Variants in SFMBT1 observed in about 807,000 individuals in gnomAD.
The protein encoded by SFMBT1 is scm-like with four MBT domains protein 1.
SFMBT1 carries 32 observed loss-of-function variants against 108.7 expected under a neutral mutation model. That is an observed-to-expected ratio of 0.29 (90% CI 0.22 to 0.40). The LOEUF (loss-of-function observed/expected upper bound fraction) is 0.40. Ranked by LOEUF, SFMBT1 falls within the 10% of genes least tolerant of loss-of-function variation. The pLI is 1.00. For missense variants in SFMBT1, 816 were observed against 1,059.6 expected (o/e 0.77, Z 3.19); for synonymous variants, 348 against 369.5 (o/e 0.94, Z 0.67).
chr3:52,916,327 C>T, intron 13 of SFMBT1, 113 bp from the exon 14 acceptor site: 11 of 708,006 alleles, frequency 1.6e-5, no homozygotes, highest in South Asian at 5.3e-5. Context: ...TTCGCAAAAT[C>T]TGTAACAGAA....
intron 1 of SFMBT1, among the ~76,000 whole-genome samples, chr3:53,009,849 T>C (rs967422582): frequency 1.3e-5 from 2 of 152,042 alleles, no homozygotes; most frequent in African/African-American, 4.8e-5. Context: ...GAAGAGAAAA[T>C]ATATTTACTA....
Position 53,025,986 on chromosome 3 carries a change from C to T in SFMBT1, c.-131+19830G>A, listed in dbSNP as rs546014979. On this transcript the variant is annotated intron_variant, in intron 1 of 20. Coordinates refer to ENST00000394752, the MANE Select transcript of SFMBT1 (RefSeq NM_016329.4). ...CAGTGTTGGGCTGTGTTTTGAAGAGCTAATATTGCGTGCAAATGGATGGGT... is the reference window on the plus strand; with the variant it reads ...CAGTGTTGGGCTGTGTTTTGAAGAGTTAATATTGCGTGCAAATGGATGGGT... Among the ~76,000 whole-genome samples the T allele has an allele frequency of 1.5e-3, 228 of 152,314 alleles. 4 individuals carry two copies. The highest frequency in any genetic ancestry group is 5.1e-3 in the African/African-American group (211 of 41,556).
chr3:52,910,741 G>A (rs780399609), intron 17 of SFMBT1, among the ~76,000 whole-genome samples: 3 of 151,920 alleles, frequency 2.0e-5, no homozygotes, highest in Admixed American at 1.3e-4. Context: ...CGCCTGCCTC[G>A]GCCTCCCAAA....
chr3:52,948,224 T>C (rs1176689101), intron 3 of SFMBT1, among the ~76,000 whole-genome samples: 1 of 148,348 alleles, frequency 6.7e-6, no homozygotes, highest in Non-Finnish European at 1.5e-5. Flanking sequence ...ACCAGCACTT[T>C]TCCCGACCAC....
intron 1 of SFMBT1, among the ~76,000 whole-genome samples, chr3:53,039,852 G>A (rs1220424062): frequency 6.6e-6 from 1 of 152,032 alleles, no homozygotes; most frequent in Non-Finnish European, 1.5e-5. Context: ...CAGGATACAT[G>A]TGCAGGATGC....
chr3:52,921,632 C>CAACA, intron 11 of SFMBT1, 73 bp downstream of exon 11: 1 of 1,513,462 alleles, frequency 6.6e-7, no homozygotes, highest in Non-Finnish European at 8.9e-7. Flanking sequence ...GTTTAACAGG[C>CAACA]AACATTACAG....
At chr3:52,990,529 A>G (rs1705083172) in intron 1 of SFMBT1, among the ~76,000 whole-genome samples, 1 of 152,280 alleles carries the variant, frequency 6.6e-6, no homozygotes, top group South Asian at 2.1e-4. Context: ...AAAAAAATCA[A>G]TAAGCCATTC....
intron 1 of SFMBT1, among the ~76,000 whole-genome samples, chr3:52,990,863 C>T (rs1179326704): frequency 6.6e-6 from 1 of 152,144 alleles, no homozygotes; most frequent in Non-Finnish European, 1.5e-5. Context: ...GTCAACCTTG[C>T]AATTTTGGAG....
intron 1 of SFMBT1, among the ~76,000 whole-genome samples, chr3:52,971,585 C>T (rs916637497): frequency 6.6e-6 from 1 of 152,184 alleles, no homozygotes; most frequent in African/African-American, 2.4e-5. Context: ...CCAACCACTA[C>T]TGTAGGGGTG....
intron 3 of SFMBT1, among the ~76,000 whole-genome samples, chr3:52,945,867 C>T (rs1230365216): frequency 1.3e-5 from 2 of 150,984 alleles, no homozygotes; most frequent in Admixed American, 1.3e-4. Flanking sequence ...TATTGATGGA[C>T]TCTAAAATAC....
intron 4 of SFMBT1, among the ~76,000 whole-genome samples, chr3:52,940,781 A>C (rs1703155474): frequency 6.6e-6 from 1 of 152,242 alleles, no homozygotes; most frequent in Non-Finnish European, 1.5e-5. Flanking sequence ...AAAAGCAAAA[A>C]ATAATACCTT....
chr3:52,978,920 G>A (rs1347481565), intron 1 of SFMBT1, among the ~76,000 whole-genome samples: 21 of 152,164 alleles, frequency 1.4e-4, no homozygotes, highest in Non-Finnish European at 1.5e-5. Flanking sequence ...ACAGAGACAA[G>A]TGGGTAGATT....
At chr3:52,957,703 G>A (rs151212827) in intron 2 of SFMBT1, among the ~76,000 whole-genome samples, 1,858 of 152,256 alleles carry the variant, frequency 0.012, 17 homozygotes, top group South Asian at 0.028. Flanking sequence ...AACAAGCACT[G>A]AGGAAAGGAT....
At chr3:52,994,904 G>GA (rs1207123637) in intron 1 of SFMBT1, among the ~76,000 whole-genome samples, 26 of 146,214 alleles carry the variant, frequency 1.8e-4, no homozygotes, top group African/African-American at 6.2e-4. Flanking sequence ...AAATTGGAAA[G>GA]AAAAAAAGAG....
At chr3:53,042,969 T>C (rs1400660354) in intron 1 of SFMBT1, among the ~76,000 whole-genome samples, 3 of 152,258 alleles carry the variant, frequency 2.0e-5, no homozygotes, top group Admixed American at 6.5e-5. Flanking sequence ...GACAGAATTA[T>C]TCAGCGAAAT....
chr3:52,954,483 T>G, intron 2 of SFMBT1, 72 bp from the exon 3 acceptor site: 2 of 1,144,780 alleles, frequency 1.7e-6, no homozygotes, highest in Non-Finnish European at 2.6e-6. Context: ...AATATAAACT[T>G]AATAAACCTA....
At chr3:52,959,977 A>G (rs1395992520) in intron 2 of SFMBT1, among the ~76,000 whole-genome samples, 1 of 152,002 alleles carries the variant, frequency 6.6e-6, no homozygotes, top group African/African-American at 2.4e-5. Context: ...ACATGACCAC[A>G]AGGAGGTAAA....
At chr3:52,946,171 C>G (rs1703358540) in intron 3 of SFMBT1, among the ~76,000 whole-genome samples, 1 of 152,148 alleles carries the variant, frequency 6.6e-6, no homozygotes, top group Admixed American at 6.5e-5. Context: ...ATAGGCTCAT[C>G]AAAAGTGTCA....
At chr3:53,025,807 T>C (rs1213903392) in intron 1 of SFMBT1, among the ~76,000 whole-genome samples, 1 of 152,160 alleles carries the variant, frequency 6.6e-6, no homozygotes, top group Non-Finnish European at 1.5e-5. Flanking sequence ...GCCTCCACTA[T>C]GCAGCCCTAA....
Sources: allele counts gnomAD v4.1 joint callset (sites outside exome capture counted in the v4.1 genomes callset), GRCh38; gene constraint gnomAD v4.1.1; transcripts MANE v1.5; gene names NCBI Gene and HGNC (gene_info 2026-07-23, HGNC 2026-07-21).